Variants in CSGALNACT1 observed in about 807,000 individuals in gnomAD.
CSGALNACT1 encodes the protein beta4GalNAcT-1.
In CSGALNACT1, 52 loss-of-function variants were observed where a neutral mutation model predicts 51.0. The ratio of observed to expected loss-of-function variants is 1.02; its 90% CI spans 0.82 to 1.29. The LOEUF is 1.29. Ranked by LOEUF, CSGALNACT1 falls within the 50% of genes most tolerant of loss-of-function variation. The pLI, the probability that CSGALNACT1 is intolerant of heterozygous loss-of-function variation, is 0.00. For synonymous variants in CSGALNACT1, 341 were observed against 254.4 expected (o/e 1.34, Z -3.24); for missense variants, 935 against 679.2 (o/e 1.38, Z -4.19).
At chr8:19,508,968 C>T (rs1042382745) in intron 3 of CSGALNACT1, among the ~76,000 whole-genome samples, 2 of 151,996 alleles carry the variant, frequency 1.3e-5, no homozygotes, top group Admixed American at 1.3e-4. Context: ...TTTGGTATTC[C>T]ACTCTTTGGA....
chr8:19,682,150 G>C (rs1013042651), intron 1 of CSGALNACT1, among the ~76,000 whole-genome samples: 1 of 152,132 alleles, frequency 6.6e-6, no homozygotes, highest in Non-Finnish European at 1.5e-5. Context: ...CAGGATGGCA[G>C]TATAGGACCT....
At chr8:19,568,484 C>T (rs980269420) in intron 3 of CSGALNACT1, among the ~76,000 whole-genome samples, 1 of 152,154 alleles carries the variant, frequency 6.6e-6, no homozygotes. Flanking sequence ...GCAATATAGG[C>T]TCTGATGGTG....
At chr8:19,428,640 C>T (rs1274761058) in intron 6 of CSGALNACT1, among the ~76,000 whole-genome samples, 1 of 152,040 alleles carries the variant, frequency 6.6e-6, no homozygotes, top group Admixed American at 6.6e-5. Context: ...TAAGGACTGG[C>T]GAATAGTGGA....
chr8:19,579,328 C>G (rs955917737), intron 3 of CSGALNACT1, among the ~76,000 whole-genome samples: 1 of 152,210 alleles, frequency 6.6e-6, no homozygotes, highest in African/African-American at 2.4e-5. Context: ...AATGAACCAA[C>G]TTCTTGGCTG....
At chr8:19,489,162 T>A (rs2073804043) in intron 4 of CSGALNACT1, among the ~76,000 whole-genome samples, 1 of 151,596 alleles carries the variant, frequency 6.6e-6, no homozygotes, top group Admixed American at 6.6e-5. Flanking sequence ...AGAGAGAAGA[T>A]GAAAAGTGAA....
chr8:19,730,727 G>C (rs954442271), intron 1 of CSGALNACT1, among the ~76,000 whole-genome samples: 1 of 152,126 alleles, frequency 6.6e-6, no homozygotes, highest in African/African-American at 2.4e-5. Flanking sequence ...AATGGCCCCT[G>C]ATCATCCCTC....
intron 1 of CSGALNACT1, among the ~76,000 whole-genome samples, chr8:19,656,190 A>G (rs1322397327): frequency 6.6e-6 from 1 of 152,184 alleles, no homozygotes; most frequent in Non-Finnish European, 1.5e-5. Context: ...CCTTTTGCTA[A>G]TCTGCACAAT....
chr8:19,456,107 G>T (rs1482728130), intron 5 of CSGALNACT1, among the ~76,000 whole-genome samples: 1 of 152,162 alleles, frequency 6.6e-6, no homozygotes, highest in Non-Finnish European at 1.5e-5. Flanking sequence ...CCGTTTTGAG[G>T]CTTGTAAGCT....
chr8:19,599,508 GAAAGAAAGAAAGAAAGAAAA>G (rs2049878690), intron 2 of CSGALNACT1, among the ~76,000 whole-genome samples: 1 of 122,134 alleles, frequency 8.2e-6, no homozygotes, highest in Non-Finnish European at 1.8e-5. Context: ...AAGAAAGAAA[GAAAGAAAGAAAGAAAGAAAA>G]GAAAGAAAAA....
At chr8:19,590,472 A>G (rs1029840279) in intron 3 of CSGALNACT1, among the ~76,000 whole-genome samples, 2 of 152,126 alleles carry the variant, frequency 1.3e-5, no homozygotes, top group Non-Finnish European at 1.5e-5. Flanking sequence ...GCCTAATCTA[A>G]TTCCAAGGTT....
At chr8:19,487,901 A>G (rs1274378946) in intron 4 of CSGALNACT1, among the ~76,000 whole-genome samples, 1 of 146,978 alleles carries the variant, frequency 6.8e-6, no homozygotes, top group African/African-American at 2.6e-5. Flanking sequence ...ACTTCAAGAT[A>G]TGCTAAAAAA....
At chr8:19,492,776 T>G (rs568869787) in intron 4 of CSGALNACT1, among the ~76,000 whole-genome samples, 9 of 152,332 alleles carry the variant, frequency 5.9e-5, no homozygotes, top group African/African-American at 1.9e-4. Flanking sequence ...ACTGATATCG[T>G]ATTTAAAACA....
chr8:19,683,438 C>G (rs370171202), upstream of CSGALNACT1, among the ~76,000 whole-genome samples: 45 of 152,290 alleles, frequency 3.0e-4, no homozygotes, highest in African/African-American at 1.0e-3. Context: ...ATTAGAATTA[C>G]TAAGAGTTTG....
chr8:19,609,735 G>A (rs190511412), intron 1 of CSGALNACT1, among the ~76,000 whole-genome samples: 96 of 151,952 alleles, frequency 6.3e-4, no homozygotes, highest in African/African-American at 2.2e-3. Context: ...CCTTTTCTGG[G>A]GATGTATATA....
intron 3 of CSGALNACT1, among the ~76,000 whole-genome samples, chr8:19,521,053 G>C (rs1284083195): frequency 6.6e-6 from 1 of 152,136 alleles, no homozygotes; most frequent in African/African-American, 2.4e-5. Context: ...GGAGCGTAAG[G>C]GCAAAAGGGA....
intron 4 of CSGALNACT1, among the ~76,000 whole-genome samples, chr8:19,488,191 A>G (rs2073457736): frequency 6.6e-6 from 1 of 151,642 alleles, no homozygotes; most frequent in African/African-American, 2.4e-5. Flanking sequence ...CTCTATTGAA[A>G]ATACAAAAAT....
At chr8:19,722,703 C>T (rs2063191542) in intron 1 of CSGALNACT1, among the ~76,000 whole-genome samples, 1 of 152,216 alleles carries the variant, frequency 6.6e-6, no homozygotes, top group South Asian at 2.1e-4. Flanking sequence ...GCCTTGCACT[C>T]TCACCGAGGG....
intron 8 of CSGALNACT1, among the ~76,000 whole-genome samples, chr8:19,415,199 C>T (rs1351636060): frequency 2.0e-5 from 3 of 152,204 alleles, no homozygotes; most frequent in Non-Finnish European, 2.9e-5. Context: ...GAAACACTCT[C>T]ACAAATTACT....
intron 1 of CSGALNACT1, among the ~76,000 whole-genome samples, chr8:19,705,357 T>G (rs751118339): frequency 2.6e-5 from 4 of 152,210 alleles, no homozygotes; most frequent in Non-Finnish European, 4.4e-5. Flanking sequence ...AATAATTATT[T>G]TCTAATGCAT....
Sources: gnomAD v4.1 joint callset for allele counts (sites outside exome capture counted in the v4.1 genomes callset) on GRCh38, gnomAD v4.1.1 for gene constraint, MANE v1.5 for transcripts, NCBI Gene and HGNC (gene_info 2026-07-23, HGNC 2026-07-21) for gene names.